The following UBE3A variants were observed in gnomAD, a reference collection of about 807,000 sequenced individuals.
UBE3A encodes the protein ubiquitin-protein ligase E3A.
A neutral mutation model predicts 83.4 loss-of-function variants in UBE3A; 6 were observed. The observed-to-expected ratio is 0.07, with a 90% CI of 0.04 to 0.14. The LOEUF (loss-of-function observed/expected upper bound fraction) is 0.14. UBE3A is among the 10% of genes least tolerant of loss of function. The pLI, the probability that UBE3A is intolerant of heterozygous loss-of-function variation, is 1.00. For synonymous variants in UBE3A, 337 were observed against 355.4 expected (o/e 0.95, Z 0.58); for missense variants, 456 against 1,036.1 (o/e 0.44, Z 7.69).
intron 4 of UBE3A, among the ~76,000 whole-genome samples, chr15:25,392,439 C>A (rs2084622478): frequency 6.6e-6 from 1 of 152,118 alleles, no homozygotes; most frequent in African/African-American, 2.4e-5. Flanking sequence ...TTAAATTTCC[C>A]TTTGGACAGT....
At chr15:25,384,657 A>C (rs1431653915) in intron 4 of UBE3A, among the ~76,000 whole-genome samples, 1 of 151,398 alleles carries the variant, frequency 6.6e-6, no homozygotes, top group African/African-American at 2.4e-5. Context: ...CAGAAACAGA[A>C]AAAAAAAATC....
chr15:25,343,129 T>A (rs1488020576), intron 11 of UBE3A, among the ~76,000 whole-genome samples: 2 of 152,066 alleles, frequency 1.3e-5, no homozygotes, highest in Admixed American at 6.6e-5. Flanking sequence ...ACACAATTCC[T>A]CCCTGCTCCA....
At chr15:25,340,261 T>C in intron 11 of UBE3A, 33 bp from the exon 12 acceptor site, 4 of 1,606,478 alleles carry the variant, frequency 2.5e-6, no homozygotes, top group Non-Finnish European at 3.4e-6. Flanking sequence ...TGGTTTCAGT[T>C]TGGCATTCAT....
At chr15:25,352,126 C>A (rs982981929) in intron 11 of UBE3A, among the ~76,000 whole-genome samples, 1 of 152,098 alleles carries the variant, frequency 6.6e-6, no homozygotes, top group African/African-American at 2.4e-5. Flanking sequence ...ACCCAGGAAG[C>A]GGAGGTTGCA....
intron 1 of UBE3A, among the ~76,000 whole-genome samples, chr15:25,427,846 T>C (rs915361714): frequency 1.4e-5 from 2 of 147,178 alleles, no homozygotes; most frequent in Non-Finnish European, 3.0e-5. Context: ...ATTCAATAAT[T>C]AGGACGAATA....
intron 1 of UBE3A, among the ~76,000 whole-genome samples, chr15:25,424,924 G>T (rs906733151): frequency 4.6e-5 from 7 of 152,136 alleles, no homozygotes; most frequent in Non-Finnish European, 8.8e-5. Flanking sequence ...TATTAAGGTA[G>T]CAATACTTCC....
Position 25,354,345 on chromosome 15 carries a change from T to G in UBE3A, c.2354+8A>C. 2 of 1,612,330 alleles carry G rather than the reference T, an allele frequency of 1.2e-6. No individual in the cohort carries two copies. The highest frequency in any genetic ancestry group is 1.7e-6 in the Non-Finnish European group (2 of 1,179,438). Reference sequence around the variant, plus strand: ...TCAAATCTTCCTCTGAAGAACTAAGTACCTCACCTAATCAGAACAGAGTCC... The same window carrying G: ...TCAAATCTTCCTCTGAAGAACTAAGGACCTCACCTAATCAGAACAGAGTCC... On this transcript the variant is annotated splice_region_variant and intron_variant, in intron 11 of 12. Transcript: ENST00000648336.
rs779502970 is a variant in UBE3A at position 25,371,680 on chromosome 15, C to T, written c.494G>A (p.Arg165Gln). The change falls in exon 6 of 13, where the codon CGG becomes CAG. Residue 165 changes from arginine (R) to glutamine (Q), a missense_variant. Physicochemically the swap from Arg to Gln is conservative, Grantham distance 43. Around this residue, in one of 13 missense-constraint regions of UBE3A, gnomAD observed 34 missense variants for 79.1 expected, o/e 0.43. Transcript: ENST00000648336. This position sits in a 1 kb window ranked among gnomAD's most constrained non-coding sequence, Gnocchi z 5.3. ...TTCCTTGGTGTGTTGTTTAACTTTC[C>T]GGAAGCTCTGTACCAATGCCTCAGC... The part of the protein sequence containing the change: ...SSAEALVQSF[R>Q]KVKQHTKEEL... 7 of 1,613,860 alleles carry T rather than the reference C, an allele frequency of 4.3e-6. No individual in the cohort carries two copies. The highest frequency in any genetic ancestry group is 5.1e-6 in the Non-Finnish European group (6 of 1,179,996).
chr15:25,418,790 G>A (rs1888250266), intron 1 of UBE3A: 1 of 152,012 alleles, frequency 6.6e-6, no homozygotes, highest in South Asian at 2.1e-4. Flanking sequence ...TTCATCAGGT[G>A]GTGGAGTCTA....
intron 6 of UBE3A, among the ~76,000 whole-genome samples, chr15:25,369,095 C>G (rs1223802193): frequency 2.6e-5 from 4 of 152,080 alleles, no homozygotes. Context: ...AAACATCACT[C>G]ACATTCTTAT....
chr15:25,398,770 TTTA>T (rs2086214963), intron 4 of UBE3A, among the ~76,000 whole-genome samples: 5 of 83,624 alleles, frequency 6.0e-5, no homozygotes, highest in African/African-American at 2.3e-4. Flanking sequence ...TATTCTTTTA[TTTA>T]TATATATATA....
chr15:25,384,640 T>G lies in UBE3A; in HGVS notation c.63-8877A>C, dbSNP rs1228444546. ...AATCCCTATCAAAATCCCAATGGCA[T>G]TTTCTACAGAAACAGAAAAAAAAAA... On this transcript the variant is annotated intron_variant, in intron 4 of 12. Coordinates refer to ENST00000648336, the MANE Select transcript of UBE3A (RefSeq NM_130839.5). Among the ~76,000 whole-genome samples the G allele has an allele frequency of 2.0e-5, 3 of 151,556 alleles. No homozygotes were observed. In the East Asian group the frequency reaches 5.8e-4, roughly 29 times the overall value.
intron 7 of UBE3A, among the ~76,000 whole-genome samples, chr15:25,357,811 T>C (rs117771730): frequency 0.011 from 1,608 of 152,030 alleles, 24 homozygotes; most frequent in Middle Eastern, 0.034. Flanking sequence ...TCAATACACA[T>C]GTTAATTATG....
chr15:25,421,072 T>C (rs1271380461), intron 1 of UBE3A, among the ~76,000 whole-genome samples: 7 of 152,222 alleles, frequency 4.6e-5, no homozygotes, highest in Non-Finnish European at 8.8e-5. Context: ...TGTTAAAATA[T>C]AATCCCCAAT....
chr15:25,415,934 T>C (rs1179709405), intron 1 of UBE3A: 2 of 150,162 alleles, frequency 1.3e-5, no homozygotes, highest in Non-Finnish European at 3.0e-5. Flanking sequence ...AAAGATACCA[T>C]TTCTTCCCAA....
chr15:25,420,989 T>C (rs1021724666), intron 1 of UBE3A, among the ~76,000 whole-genome samples: 1 of 152,170 alleles, frequency 6.6e-6, no homozygotes, highest in Non-Finnish European at 1.5e-5. Context: ...AGAATCAAAT[T>C]TGGATACATG....
intron 11 of UBE3A, among the ~76,000 whole-genome samples, chr15:25,352,114 G>A (rs1290740816): frequency 6.6e-6 from 1 of 152,146 alleles, no homozygotes; most frequent in Non-Finnish European, 1.5e-5. Context: ...AGAATCACTT[G>A]AACCCAGGAA....
At chr15:25,376,960 A>G (rs1210384896) in intron 4 of UBE3A, among the ~76,000 whole-genome samples, 2 of 152,214 alleles carry the variant, frequency 1.3e-5, no homozygotes, top group Non-Finnish European at 2.9e-5. Flanking sequence ...AATTACCATA[A>G]TTTCAGTAGA....
At chr15:25,360,927 C>T (rs780608114) in intron 6 of UBE3A, among the ~76,000 whole-genome samples, 3 of 152,076 alleles carry the variant, frequency 2.0e-5, no homozygotes, top group Non-Finnish European at 2.9e-5. Flanking sequence ...AGAATAGAAA[C>T]TCAAGGGTTA....
Sources: allele counts gnomAD v4.1 joint callset (sites outside exome capture counted in the v4.1 genomes callset), GRCh38; gene constraint gnomAD v4.1.1; regional missense constraint gnomAD v4.1.1; non-coding constraint Gnocchi (gnomAD v3.1); transcripts MANE v1.5; gene names NCBI Gene and HGNC (gene_info 2026-07-23, HGNC 2026-07-21).